The following BST1 variants were observed in gnomAD, a reference collection of about 807,000 sequenced individuals.
BST1 encodes the protein bone marrow stromal cell antigen 1, also known as ADP-ribosyl cyclase/cyclic ADP-ribose hydrolase 2.
A neutral mutation model predicts 40.6 loss-of-function variants in BST1; 49 were observed. The observed-to-expected ratio is 1.21, with a 90% CI of 0.96 to 1.53. The LOEUF (loss-of-function observed/expected upper bound fraction) is 1.53. Ranked by LOEUF, BST1 falls within the 40% of genes most tolerant of loss-of-function variation. The probability of loss-of-function intolerance (pLI) is 0.00; values close to 1 mark genes in which losing one functional copy is unlikely to be tolerated. For synonymous variants in BST1, 157 were observed against 159.3 expected, an observed-to-expected ratio of 0.99 and a Z score of 0.11; for missense variants, 423 against 395.9, an observed-to-expected ratio of 1.07 and a Z score of -0.58.
chr4:15,747,205 A>G, the BST1 span, among the ~76,000 whole-genome samples: 1 of 152,044 alleles, frequency 6.6e-6, no homozygotes, highest in Non-Finnish European at 1.5e-5. Context: ...CTTGCTCCTG[A>G]TCACTTTTGA....
At chr4:15,747,440 T>A in the BST1 span, among the ~76,000 whole-genome samples, 1 of 152,162 alleles carries the variant, frequency 6.6e-6, no homozygotes, top group Non-Finnish European at 1.5e-5. Context: ...CATAATGATA[T>A]CACTACCATC....
chr4:15,749,611 G>T, the BST1 span, among the ~76,000 whole-genome samples: 4 of 152,180 alleles, frequency 2.6e-5, no homozygotes, highest in Non-Finnish European at 4.4e-5. Context: ...TCCCTGCTTA[G>T]CAGCATAACA....
At chr4:15,726,303 T>C (rs1278166984) in intron 8 of BST1, among the ~76,000 whole-genome samples, 1 of 151,984 alleles carries the variant, frequency 6.6e-6, no homozygotes, top group African/African-American at 2.4e-5. Context: ...AAACAGAACT[T>C]GCAACTCGGT....
chr4:15,704,934 G>T, intron 1 of BST1: 2 of 775,768 alleles, frequency 2.6e-6, no homozygotes, highest in African/African-American at 3.4e-5. Flanking sequence ...ATAAGAAACA[G>T]CAGAGAACCA....
chr4:15,743,663 C>T, the BST1 span: 2 of 199,954 alleles, frequency 1.0e-5, no homozygotes, highest in African/African-American at 4.7e-5. Context: ...GGGAAACAGT[C>T]TGTCTTCTGC....
rs144376348 is a variant in BST1 at position 15,724,369 on chromosome 4, T to C, written c.851+1435T>C. Reference sequence around the variant, plus strand: ...GCTGTGTGCACTACATAAAATAGTATGTTTATCTGAATAACCAGTACATTA... The same window carrying C: ...GCTGTGTGCACTACATAAAATAGTACGTTTATCTGAATAACCAGTACATTA... On this transcript the variant is annotated intron_variant, in intron 8 of 8. Transcript: ENST00000265016. Among the ~76,000 whole-genome samples the C allele has an allele frequency of 7.3e-3, 1,108 of 152,356 alleles. 11 individuals are homozygous for C. Among genetic ancestry groups the C allele is most frequent in the African/African-American group, 0.026 (1,068 of 41,592 alleles).
At chr4:15,757,307 T>C in the BST1 span, among the ~76,000 whole-genome samples, 1 of 152,156 alleles carries the variant, frequency 6.6e-6, no homozygotes, top group Admixed American at 6.5e-5. Context: ...GCTAATCTGT[T>C]GTGTGCTGAT....
downstream of BST1, among the ~76,000 whole-genome samples, chr4:15,733,172 C>T (rs1311344868): frequency 2.0e-5 from 3 of 152,244 alleles, no homozygotes; most frequent in Non-Finnish European, 4.4e-5. Flanking sequence ...CACCCACATC[C>T]TGCTGATTGG....
chr4:15,760,483 T>C, the BST1 span, among the ~76,000 whole-genome samples: 1 of 151,846 alleles, frequency 6.6e-6, no homozygotes, highest in Non-Finnish European at 1.5e-5. Flanking sequence ...GCTTAACATT[T>C]TGAGGAATTG....
the BST1 span, among the ~76,000 whole-genome samples, chr4:15,767,795 AT>A: frequency 6.7e-6 from 1 of 149,120 alleles, no homozygotes; most frequent in East Asian, 2.0e-4. Context: ...TTTTTTTTTT[AT>A]TTTTAGTAGA....
At chr4:15,718,184 A>G (rs1056914067) in intron 6 of BST1, among the ~76,000 whole-genome samples, 1 of 152,042 alleles carries the variant, frequency 6.6e-6, no homozygotes, top group African/African-American at 2.4e-5. Flanking sequence ...GACGGGTTCC[A>G]TGAGTTATGG....
At chr4:15,721,326 C>T (rs774524892) in intron 7 of BST1, among the ~76,000 whole-genome samples, 2 of 152,176 alleles carry the variant, frequency 1.3e-5, no homozygotes, top group South Asian at 4.1e-4. Context: ...TTTTCATGGC[C>T]TCCCTTACCT....
chr4:15,728,620 T>A (rs1008203484), intron 8 of BST1, among the ~76,000 whole-genome samples: 4 of 150,564 alleles, frequency 2.7e-5, no homozygotes, highest in African/African-American at 9.8e-5. Context: ...TACTGGAAAA[T>A]TTTCTTTTCC....
At chr4:15,734,269 G>A (rs1301503041), downstream of BST1, among the ~76,000 whole-genome samples, 1 of 152,140 alleles carries the variant, frequency 6.6e-6, no homozygotes, top group East Asian at 1.9e-4. Context: ...TGTCTTGATT[G>A]TGGTGGTGAT....
At chr4:15,736,905 A>G (rs1457159682), downstream of BST1, among the ~76,000 whole-genome samples, 1 of 152,108 alleles carries the variant, frequency 6.6e-6, no homozygotes, top group African/African-American at 2.4e-5. Context: ...TCAGCATTTG[A>G]TCAGATTGGG....
exon 7 of BST1, chr4:15,737,978 A>T: frequency 2.6e-6 from 1 of 381,708 alleles, no homozygotes; most frequent in Non-Finnish European, 5.0e-6. Context: ...AACAGGATAA[A>T]ATGGACTCCC....
At chr4:15,761,975 C>T in the BST1 span, among the ~76,000 whole-genome samples, 2 of 151,586 alleles carry the variant, frequency 1.3e-5, no homozygotes, top group African/African-American at 4.9e-5. Context: ...CGAGACAGGC[C>T]GAGGCAGGCG....
intron 3 of BST1, among the ~76,000 whole-genome samples, chr4:15,707,866 T>TATAG (rs1404805530): frequency 6.8e-6 from 1 of 147,896 alleles, no homozygotes; most frequent in Admixed American, 6.8e-5. Context: ...TATATATATA[T>TATAG]ATATATATAC....
At chr4:15,741,838 C>A (rs1195729368), downstream of BST1, among the ~76,000 whole-genome samples, 3 of 152,182 alleles carry the variant, frequency 2.0e-5, no homozygotes, top group Admixed American at 6.5e-5. Flanking sequence ...ATTATCTCAC[C>A]TTTTACAGTA....
Sources: gnomAD v4.1 joint callset for allele counts (sites outside exome capture counted in the v4.1 genomes callset) on GRCh38, gnomAD v4.1.1 for gene constraint, MANE v1.5 for transcripts, NCBI Gene and HGNC (gene_info 2026-07-23, HGNC 2026-07-21) for gene names.